The following SH3D19 variants were observed in gnomAD, a reference collection of about 807,000 sequenced individuals.
SH3D19 encodes the protein SH3 domain-containing protein 19.
SH3D19 carries 58 observed loss-of-function variants against 112.1 expected under a neutral mutation model. The observed-to-expected ratio is 0.52, with a 90% confidence interval of 0.42 to 0.64. SH3D19 has a LOEUF of 0.64. Among genes scored for constraint, SH3D19 ranks in the 30% least tolerant of loss-of-function variants. SH3D19 has a pLI of 0.00. For missense variants in SH3D19, 1,090 were observed against 1,263.4 expected, an observed-to-expected ratio of 0.86 and a Z score of 2.08; for synonymous variants, 391 against 448.5, an observed-to-expected ratio of 0.87 and a Z score of 1.62.
chr4:151,320,573 G>T (rs1730434400), intron 1 of SH3D19, among the ~76,000 whole-genome samples: 1 of 152,080 alleles, frequency 6.6e-6, no homozygotes, highest in Non-Finnish European at 1.5e-5. Flanking sequence ...CACATCGAAA[G>T]AAACCATAGA....
chr4:151,146,693 C>A (rs751135303), intron 11 of SH3D19, among the ~76,000 whole-genome samples: 2 of 152,096 alleles, frequency 1.3e-5, no homozygotes, highest in Non-Finnish European at 2.9e-5. Flanking sequence ...CCAACACGCC[C>A]AGCTAATTTT....
At chr4:151,211,986 G>C (rs1766048610) in intron 2 of SH3D19, among the ~76,000 whole-genome samples, 1 of 152,218 alleles carries the variant, frequency 6.6e-6, no homozygotes, top group African/African-American at 2.4e-5. Context: ...CAGATTTTCA[G>C]TGTAGATGAA....
At chr4:151,176,197 C>T (rs1002457881) in intron 6 of SH3D19, among the ~76,000 whole-genome samples, 2 of 152,198 alleles carry the variant, frequency 1.3e-5, no homozygotes, top group African/African-American at 4.8e-5. Flanking sequence ...AGGACAACCA[C>T]CCTTAGCATC....
intron 1 of SH3D19, among the ~76,000 whole-genome samples, chr4:151,295,050 T>G (rs565820441): frequency 6.6e-6 from 1 of 152,258 alleles, no homozygotes; most frequent in Admixed American, 6.5e-5. Context: ...GCTGGGACAC[T>G]GTGAGCAAAG....
chr4:151,161,327 C>A (rs1234525004), intron 8 of SH3D19, among the ~76,000 whole-genome samples: 1 of 152,100 alleles, frequency 6.6e-6, no homozygotes, highest in Non-Finnish European at 1.5e-5. Context: ...TCCCCTTTTT[C>A]CCTTGACCAT....
chr4:151,131,650 C>T (rs952603144), intron 17 of SH3D19, among the ~76,000 whole-genome samples: 1 of 151,984 alleles, frequency 6.6e-6, no homozygotes, highest in Non-Finnish European at 1.5e-5. Flanking sequence ...CCACACCCGG[C>T]TGATTTTTTT....
rs1769637810 is a variant in SH3D19 at position 151,231,889 on chromosome 4, G to T, written c.113-5803C>A. The stretch of plus-strand genomic sequence containing the variant: ...ATGGAAAGGAAGTTTCTTCAAACAA[G>T]AATTTATGTCTTGGCTGGCTGGGGT... On this transcript the variant is annotated intron_variant, in intron 1 of 19. Transcript: ENST00000604030. 3.3e-5 allele frequency among the ~76,000 whole-genome samples: 5 copies of T among 152,276 alleles called. No homozygotes were observed. The South Asian group carries it at 1.0e-3, about 32-fold the overall frequency.
At chr4:151,210,435 G>A (rs1178198942) in intron 2 of SH3D19, among the ~76,000 whole-genome samples, 1 of 135,310 alleles carries the variant, frequency 7.4e-6, no homozygotes, top group South Asian at 2.3e-4. Context: ...ACAGAGTCTC[G>A]CTGTCACCCA....
intron 1 of SH3D19, among the ~76,000 whole-genome samples, chr4:151,309,115 C>T (rs143161867): frequency 0.011 from 1,611 of 152,328 alleles, 32 homozygotes; most frequent in African/African-American, 0.036. Context: ...GTGATTCACC[C>T]GCCTTGGTGT....
intron 1 of SH3D19, among the ~76,000 whole-genome samples, chr4:151,292,444 CTTGGGTT>C (rs1775406737): frequency 6.6e-6 from 1 of 152,162 alleles, no homozygotes; most frequent in Non-Finnish European, 1.5e-5. Context: ...GAGCTGAGGT[CTTGGGTT>C]TCAACAATCT....
intron 14 of SH3D19, among the ~76,000 whole-genome samples, chr4:151,135,569 C>G (rs913288388): frequency 6.6e-6 from 1 of 151,690 alleles, no homozygotes; most frequent in Non-Finnish European, 1.5e-5. Flanking sequence ...CTGGGACTAC[C>G]GGTGTGCACC....
At chr4:151,214,710 C>T (rs1766704121) in intron 2 of SH3D19, among the ~76,000 whole-genome samples, 1 of 80,592 alleles carries the variant, frequency 1.2e-5, no homozygotes, top group Non-Finnish European at 3.3e-5. Flanking sequence ...GTAGGGGCGG[C>T]CGGGCAGAGG....
At chr4:151,323,452 A>G (rs1730746014) in intron 1 of SH3D19, among the ~76,000 whole-genome samples, 1 of 152,232 alleles carries the variant, frequency 6.6e-6, no homozygotes, top group Non-Finnish European at 1.5e-5. Context: ...AGTGTCTGAA[A>G]AACATGTTAA....
chr4:151,293,422 G>C (rs1476876402), intron 1 of SH3D19, among the ~76,000 whole-genome samples: 1 of 146,352 alleles, frequency 6.8e-6, no homozygotes, highest in Non-Finnish European at 1.5e-5. Context: ...GCTGTGAGCC[G>C]AGATTGCGCC....
intron 2 of SH3D19, among the ~76,000 whole-genome samples, chr4:151,215,718 A>G (rs1157628626): frequency 6.6e-6 from 1 of 152,258 alleles, no homozygotes; most frequent in Non-Finnish European, 1.5e-5. Flanking sequence ...GAGGGCAGAA[A>G]TGAATGCTCT....
intron 9 of SH3D19, among the ~76,000 whole-genome samples, chr4:151,150,809 CA>C (rs1417076644): frequency 6.6e-6 from 1 of 152,040 alleles, no homozygotes; most frequent in Non-Finnish European, 1.5e-5. Flanking sequence ...TCCATTTAAA[CA>C]GGTTTTCTGA....
At chr4:151,217,505 T>G (rs1175157680) in intron 2 of SH3D19, among the ~76,000 whole-genome samples, 1 of 152,186 alleles carries the variant, frequency 6.6e-6, no homozygotes. Flanking sequence ...GGGTGACATT[T>G]CAGGCCACAT....
intron 1 of SH3D19, among the ~76,000 whole-genome samples, chr4:151,324,771 TG>T (rs964242507): frequency 9.1e-4 from 10 of 10,978 alleles, no homozygotes; most frequent in Non-Finnish European, 1.7e-3. Context: ...GCTCGGCGGC[TG>T]GGGGAGGGAG....
intron 1 of SH3D19, among the ~76,000 whole-genome samples, chr4:151,318,621 C>T (rs997302900): frequency 3.9e-5 from 6 of 152,102 alleles, no homozygotes; most frequent in African/African-American, 1.4e-4. Context: ...AAAAAGGAGA[C>T]ATAAAATAAG....
Sources: allele counts gnomAD v4.1 joint callset (sites outside exome capture counted in the v4.1 genomes callset), GRCh38; gene constraint gnomAD v4.1.1; transcripts MANE v1.5; gene names NCBI Gene and HGNC (gene_info 2026-07-23, HGNC 2026-07-21).